OTULINL: variants seen among roughly 807,000 people sequenced by gnomAD.
OTULINL encodes OTU deubiquitinase with linear linkage specificity like, also known as inactive ubiquitin thioesterase OTULINL.
Under a neutral mutation model 43.9 loss-of-function variants are expected in OTULINL, and 42 were observed. The ratio of observed to expected loss-of-function variants is 0.96; its 90% CI spans 0.75 to 1.24. The LOEUF (loss-of-function observed/expected upper bound fraction) is 1.24, where lower values mean the gene tolerates loss of function less well. OTULINL is among the 50% of genes most tolerant of loss of function. The pLI is 0.00. For synonymous variants in OTULINL, 172 were observed against 153.6 expected (o/e 1.12, Z -0.88); for missense variants, 411 against 426.4 (o/e 0.96, Z 0.32).
At chr5:14,591,500 G>A (rs1407869823) in intron 1 of OTULINL, among the ~76,000 whole-genome samples, 1 of 152,026 alleles carries the variant, frequency 6.6e-6, no homozygotes, top group Non-Finnish European at 1.5e-5. Context: ...GGGCTGAGCT[G>A]GGCATGCCAT....
intron 5 of OTULINL, among the ~76,000 whole-genome samples, chr5:14,605,679 C>G (rs563494241): frequency 6.6e-6 from 1 of 152,230 alleles, no homozygotes; most frequent in African/African-American, 2.4e-5. Flanking sequence ...TTTCTTTCAC[C>G]AGATACTCTA....
At chr5:14,583,301 C>T (rs1476550845) in intron 1 of OTULINL, among the ~76,000 whole-genome samples, 1 of 152,206 alleles carries the variant, frequency 6.6e-6, no homozygotes, top group Non-Finnish European at 1.5e-5. Flanking sequence ...TCCTACCTCC[C>T]ACTCTCAAAA....
At position 14,612,168 on chromosome 5, in the gene OTULINL, C is replaced by A. The variant is rs1759593500; in HGVS notation, c.*1854C>A. On this transcript the variant is annotated 3_prime_UTR_variant, in exon 8 of 8. Transcript: ENST00000274217. ...ATATCCCCCTGATGTGTTACTGTAA[C>A]CAAGAAAGCATGAACGTTACCCTTT... 1 of 152,198 alleles carries A rather than the reference C, an allele frequency of 6.6e-6. No homozygotes were observed. The allele number at this position is 152,198 out of a possible 1,614,324, so 9.4% of individuals were successfully genotyped here.
chr5:14,604,822 C>T (rs1237200761), intron 5 of OTULINL, among the ~76,000 whole-genome samples: 1 of 152,260 alleles, frequency 6.6e-6, no homozygotes, highest in African/African-American at 2.4e-5. Flanking sequence ...TTCCCATGGT[C>T]TTGGGCAGCT....
Position 14,610,330 on chromosome 5 carries a change from A to G in OTULINL, c.*16A>G. On this transcript the variant is annotated 3_prime_UTR_variant, in exon 8 of 8. Transcript: ENST00000274217. ...AGTCTTTTAAGTCCGCTGGGGGCCG[A>G]ACAGCAGTGCTCACCAGTGACGGTG... is the stretch of plus-strand genomic sequence containing the variant. The G allele has an allele frequency of 1.9e-6, 3 of 1,611,582 alleles. No individual in the cohort carries two copies. The highest frequency in any genetic ancestry group is 1.7e-6 in the Non-Finnish European group (2 of 1,179,618).
intron 1 of OTULINL, among the ~76,000 whole-genome samples, chr5:14,587,598 G>A (rs1759128334): frequency 6.6e-6 from 1 of 152,202 alleles, no homozygotes. Flanking sequence ...TGTACCTGAA[G>A]CAGTGCAAGG....
At chr5:14,588,754 C>A (rs1759149826) in intron 1 of OTULINL, among the ~76,000 whole-genome samples, 1 of 152,216 alleles carries the variant, frequency 6.6e-6, no homozygotes, top group South Asian at 2.1e-4. Context: ...AAGATGGCTG[C>A]TGGAGCATCA....
chr5:14,582,096 C>A lies in OTULINL; in HGVS notation c.64+138C>A, dbSNP rs560038055. The A allele has an allele frequency of 1.3e-5, 8 of 613,112 alleles. No homozygotes were observed. The African/African-American group carries it at 1.6e-4, about 12-fold the overall frequency. 38.0% of individuals were successfully genotyped at this position (613,112 alleles called of 1,614,324 possible). A position where few individuals can be genotyped will look rare whatever the true frequency, so the allele number is the denominator to read the frequency against. On this transcript the variant is annotated intron_variant, in intron 1 of 7. Transcript: ENST00000274217. ...TGTTGGGGGCTGGGAATCCTGGAGC[C>A]CGGGAGCTGGAGCGCGCCCCTGAGC... is the stretch of plus-strand genomic sequence containing the variant.
At chr5:14,591,586 C>A (rs1022883912) in intron 1 of OTULINL, among the ~76,000 whole-genome samples, 1 of 152,154 alleles carries the variant, frequency 6.6e-6, no homozygotes, top group Admixed American at 6.5e-5. Context: ...GAGCCAGAAC[C>A]CCACCTCCAG....
chr5:14,597,873 C>T (rs1462211653), intron 1 of OTULINL, among the ~76,000 whole-genome samples: 2 of 152,170 alleles, frequency 1.3e-5, no homozygotes, highest in Non-Finnish European at 2.9e-5. Flanking sequence ...ACCAGGAGTA[C>T]AGGCATGTGT....
chr5:14,602,116 C>A, intron 4 of OTULINL, 67 bp from the exon 5 acceptor site: 4 of 1,285,660 alleles, frequency 3.1e-6, no homozygotes, highest in Non-Finnish European at 4.2e-6. Flanking sequence ...ACTGAAAATA[C>A]AGTGAATTCA....
At chr5:14,602,867 C>T (rs1450572286) in intron 5 of OTULINL, among the ~76,000 whole-genome samples, 1 of 152,110 alleles carries the variant, frequency 6.6e-6, no homozygotes, top group African/African-American at 2.4e-5. Flanking sequence ...GGCATCTGTT[C>T]TTTTATAAGT....
At chr5:14,584,296 C>A (rs983856861) in intron 1 of OTULINL, among the ~76,000 whole-genome samples, 1 of 152,300 alleles carries the variant, frequency 6.6e-6, no homozygotes, top group African/African-American at 2.4e-5. Context: ...TGGTAACATT[C>A]ACATTTCAGC....
Position 14,604,835 on chromosome 5 carries a change from G to A in OTULINL, c.499-2495G>A, listed in dbSNP as rs776531607. ...GGTTCCCATGGTCTTGGGCAGCTCC[G>A]CCCCTGTGGCTTTGCAGGGTACAGC... On this transcript the variant is annotated intron_variant, in intron 5 of 7. Transcript: ENST00000274217. Among the ~76,000 whole-genome samples, 55 of 152,222 alleles carry A rather than the reference G, an allele frequency of 3.6e-4. 1 individual carries two copies. The highest frequency in any genetic ancestry group is 6.9e-4 in the Non-Finnish European group (47 of 68,030).
rs932944514 is a variant in OTULINL at position 14,612,487 on chromosome 5, A to G, written c.*2173A>G. On this transcript the variant is annotated 3_prime_UTR_variant, in exon 8 of 8. Transcript: ENST00000274217. Reference sequence around the variant, plus strand: ...CAAGTTGCGAGAAAGATTTCAATCCAGTGAAAGTAAAAAGTAAGAAGACAT... The same window carrying G: ...CAAGTTGCGAGAAAGATTTCAATCCGGTGAAAGTAAAAAGTAAGAAGACAT... 6.6e-6 allele frequency: 1 copy of G among 152,246 alleles called. No individual in the cohort carries two copies. The highest frequency in any genetic ancestry group is 1.5e-5 in the Non-Finnish European group (1 of 68,030). The allele number at this position is 152,246 out of a possible 1,614,324, so 9.4% of individuals were successfully genotyped here.
Position 14,614,414 on chromosome 5 carries a change from A to T in OTULINL, c.*4100A>T. On this transcript the variant is annotated 3_prime_UTR_variant, in exon 8 of 8. Transcript: ENST00000274217. ...CTGTTTTTATCACAATGTCCATTTT[A>T]CAGCTAGACACAAAATTTAGTGGGT... The T allele has an allele frequency of 2.5e-6, 1 of 395,272 alleles. No individual in the cohort carries two copies. The highest frequency in any genetic ancestry group is 4.5e-6 in the Non-Finnish European group (1 of 224,590). The allele number at this position is 395,272 out of a possible 1,614,324, so 24.5% of individuals were successfully genotyped here.
intron 1 of OTULINL, among the ~76,000 whole-genome samples, chr5:14,585,177 A>C (rs1350113381): frequency 6.6e-6 from 1 of 152,032 alleles, no homozygotes; most frequent in Non-Finnish European, 1.5e-5. Flanking sequence ...TGCCAAGGAA[A>C]AGAGGCCTGA....
chr5:14,608,413 C>CT (rs1759516882), intron 6 of OTULINL, among the ~76,000 whole-genome samples: 1 of 152,114 alleles, frequency 6.6e-6, no homozygotes, highest in Admixed American at 6.5e-5. Context: ...GGAGAACTAG[C>CT]TAGCTCTTTG....
chr5:14,583,740 T>G (rs1048380325), intron 1 of OTULINL, among the ~76,000 whole-genome samples: 3 of 152,226 alleles, frequency 2.0e-5, no homozygotes, highest in African/African-American at 7.2e-5. Context: ...ATAGTTTCCC[T>G]TCTTTGCCAG....
Sources: gnomAD v4.1 joint callset for allele counts (sites outside exome capture counted in the v4.1 genomes callset) on GRCh38, gnomAD v4.1.1 for gene constraint, MANE v1.5 for transcripts, NCBI Gene and HGNC (gene_info 2026-07-23, HGNC 2026-07-21) for gene names.